B3GAT2: variants seen among roughly 807,000 people sequenced by gnomAD.
The protein encoded by B3GAT2 is beta-1,3-glucuronyltransferase 2, also known as galactosylgalactosylxylosylprotein 3-beta-glucuronosyltransferase 2.
A neutral mutation model predicts 27.8 loss-of-function variants in B3GAT2; 26 were observed. The ratio of observed to expected loss-of-function variants is 0.93; its 90% CI spans 0.68 to 1.30. The LOEUF (loss-of-function observed/expected upper bound fraction) is 1.30. Ranked by LOEUF, B3GAT2 falls within the 50% of genes most tolerant of loss-of-function variation. B3GAT2 has a pLI of 0.00. For synonymous variants in B3GAT2, 218 were observed against 195.1 expected, an observed-to-expected ratio of 1.12 and a Z score of -0.98; for missense variants, 458 against 459.0, an observed-to-expected ratio of 1.00 and a Z score of 0.02.
chr6:70,937,365 C>G (rs1406216140), intron 1 of B3GAT2, among the ~76,000 whole-genome samples: 12 of 151,216 alleles, frequency 7.9e-5, no homozygotes, highest in East Asian at 1.9e-4. Context: ...CTATTCCAAT[C>G]AATAGAAAAA....
chr6:70,939,017 ATCCAGAATC>A (rs1287043644), intron 1 of B3GAT2, among the ~76,000 whole-genome samples: 1 of 152,116 alleles, frequency 6.6e-6, no homozygotes, highest in Non-Finnish European at 1.5e-5. Context: ...AAGGGCTAAT[ATCCAGAATC>A]TACAATGAAC....
rs1395871119 is a variant in B3GAT2 at position 70,948,769 on chromosome 6, G to A, written c.591+7070C>T. ...ATGGAACCAAAAAAGAACCCACATC[G>A]TCAAGTCAATCCTAAGCCAAAAGAA... On this transcript the variant is annotated intron_variant, in intron 1 of 3. Coordinates refer to ENST00000230053, the MANE Select transcript of B3GAT2 (RefSeq NM_080742.3). Among the ~76,000 whole-genome samples the A allele has an allele frequency of 5.3e-5, 8 of 152,258 alleles. No homozygotes were observed. The East Asian group carries it at 7.7e-4, about 15-fold the overall frequency.
intron 1 of B3GAT2, among the ~76,000 whole-genome samples, chr6:70,937,581 T>C (rs1765313324): frequency 6.6e-6 from 1 of 152,090 alleles, no homozygotes; most frequent in Admixed American, 6.5e-5. Context: ...ATCCCTGGGA[T>C]GCAAGGCTGG....
At chr6:70,884,929 C>A (rs1364173813) in intron 2 of B3GAT2, among the ~76,000 whole-genome samples, 1 of 152,256 alleles carries the variant, frequency 6.6e-6, no homozygotes, top group Admixed American at 6.5e-5. Context: ...CAAGGCTTAA[C>A]TTCTGAAGCC....
At chr6:70,899,354 C>T (rs934930550) in intron 1 of B3GAT2, among the ~76,000 whole-genome samples, 3 of 152,140 alleles carry the variant, frequency 2.0e-5, no homozygotes, top group African/African-American at 7.2e-5. Context: ...ATCAAAGAAG[C>T]AAAACTTTGC....
Position 70,956,506 on chromosome 6 carries a change from G to A in B3GAT2, c.-77C>T, listed in dbSNP as rs1014625223. The A allele has an allele frequency of 8.4e-6, 13 of 1,541,056 alleles. No homozygotes were observed. In the Admixed American group the frequency reaches 2.4e-4, roughly 28 times the overall value. On this transcript the variant is annotated 5_prime_UTR_variant, in exon 1 of 4. Transcript: ENST00000230053. Reference sequence around the variant, plus strand: ...ACCCCAGTGCGCAGCTTGGACAGCGGCGGCGCCAGCACTTAGGGAGTGGTG... The same window carrying A: ...ACCCCAGTGCGCAGCTTGGACAGCGACGGCGCCAGCACTTAGGGAGTGGTG...
chr6:70,922,118 G>C (rs1302118420), intron 1 of B3GAT2, among the ~76,000 whole-genome samples: 2 of 152,120 alleles, frequency 1.3e-5, no homozygotes, highest in Non-Finnish European at 2.9e-5. Context: ...ATCTGTGGGA[G>C]CGGGGTGCCT....
At position 70,947,459 on chromosome 6, in the gene B3GAT2, G is replaced by A. The variant is rs530259676; in HGVS notation, c.591+8380C>T. On this transcript the variant is annotated intron_variant, in intron 1 of 3. Coordinates refer to ENST00000230053, the MANE Select transcript of B3GAT2 (RefSeq NM_080742.3). ...CAGAGAATACTACAAACACCTCTAC[G>A]CAAATAAACTAGAAAATCTAGAAGA... Among the ~76,000 whole-genome samples, 12 of 152,190 alleles carry A rather than the reference G, an allele frequency of 7.9e-5. No homozygotes were observed. In the East Asian group the frequency reaches 1.7e-3, roughly 22 times the overall value.
In B3GAT2 at chr6:70,859,471, TTA is replaced by T. The variant is rs1264644139; in HGVS notation, c.*2190_*2191del. On this transcript the variant is annotated 3_prime_UTR_variant, in exon 4 of 4. Transcript: ENST00000230053. ...ACTTATGCCTGATTAGTGATGTAGT[TTA>T]TGTTAGTGTCTTTGAAACTGTAAAT... 1 of 1,146,252 alleles carries T rather than the reference TTA, an allele frequency of 8.7e-7. No homozygotes were observed. The highest frequency in any genetic ancestry group is 1.5e-5 in the African/African-American group (1 of 64,928). The allele number at this position is 1,146,252 out of a possible 1,614,324, so 71.0% of individuals were successfully genotyped here. A position where few individuals can be genotyped will look rare whatever the true frequency, so the allele number is the denominator to read the frequency against.
chr6:70,860,404 G>GTTTATTCATATGCATATTTTTTTTCTTTT lies in B3GAT2; in HGVS notation c.*1230_*1258dup. 1 of 1,525,654 alleles carries GTTTATTCATATGCATATTTTTTTTCTTTT rather than the reference G, an allele frequency of 6.6e-7. No individual in the cohort carries two copies. The highest frequency in any genetic ancestry group is 1.3e-5 in the South Asian group (1 of 76,270). 94.5% of individuals were successfully genotyped at this position (1,525,654 alleles called of 1,614,324 possible). ...TTGCTGAAACGCATCTAGTTCCCCTGTTTATTCATATGCATATTTTTTTTC... is the reference window on the plus strand; with the variant it reads ...TTGCTGAAACGCATCTAGTTCCCCTGTTTATTCATATGCATATTTTTTTTCTTTTTTTATTCATATGCATATTTTTTTTC... On this transcript the variant is annotated 3_prime_UTR_variant, in exon 4 of 4. Transcript: ENST00000230053.
intron 1 of B3GAT2, among the ~76,000 whole-genome samples, chr6:70,905,618 C>T (rs980590978): frequency 6.6e-6 from 1 of 152,140 alleles, no homozygotes; most frequent in African/African-American, 2.4e-5. Flanking sequence ...TGGCAGACAG[C>T]ATGTTGCTCG....
intron 1 of B3GAT2, among the ~76,000 whole-genome samples, chr6:70,928,724 C>G (rs186644070): frequency 6.8e-4 from 104 of 152,286 alleles, no homozygotes; most frequent in African/African-American, 2.3e-3. Context: ...AGCCACAGAC[C>G]AGACATATTC....
chr6:70,937,799 C>A (rs1765317175), intron 1 of B3GAT2, among the ~76,000 whole-genome samples: 1 of 152,128 alleles, frequency 6.6e-6, no homozygotes, highest in South Asian at 2.1e-4. Flanking sequence ...CAATATCATA[C>A]TGAATGGGCA....
Position 70,857,805 on chromosome 6 carries a change from C to A in B3GAT2, c.*3858G>T. 1 of 1,167,358 alleles carries A rather than the reference C, an allele frequency of 8.6e-7. No homozygotes were observed. Among genetic ancestry groups the A allele is most frequent in the Non-Finnish European group, 1.2e-6 (1 of 834,728 alleles). 72.3% of individuals were successfully genotyped at this position (1,167,358 alleles called of 1,614,324 possible). ...GGTCTGAGTAGTAGGAGCAGCCAAA[C>A]TGGAATTAAAATGTTTGCTGTGAGT... On this transcript the variant is annotated 3_prime_UTR_variant, in exon 4 of 4. Coordinates refer to ENST00000230053, the MANE Select transcript of B3GAT2 (RefSeq NM_080742.3).
chr6:70,888,435 A>C (rs570360988), intron 2 of B3GAT2, among the ~76,000 whole-genome samples: 3 of 152,318 alleles, frequency 2.0e-5, no homozygotes, highest in Admixed American at 6.5e-5. Flanking sequence ...AGGTGTTAAA[A>C]AGATCTAAGT....
In B3GAT2 at chr6:70,902,633, T is replaced by C. The variant is rs974656882; in HGVS notation, c.592-8361A>G. Reference sequence around the variant, plus strand: ...AGAAAATGGGATATATATATATATATATATACACACACACACACACACACA... The same window carrying C: ...AGAAAATGGGATATATATATATATACATATACACACACACACACACACACA... On this transcript the variant is annotated intron_variant, in intron 1 of 3. Transcript: ENST00000230053. Among the ~76,000 whole-genome samples the C allele has an allele frequency of 9.3e-3, 1,344 of 144,088 alleles. 18 individuals are homozygous for C. Among genetic ancestry groups the C allele is most frequent in the African/African-American group, 0.033 (1,254 of 37,630 alleles). The allele number at this position is 144,088 out of a possible 152,430, so 94.5% of individuals were successfully genotyped here.
At chr6:70,929,826 T>G (rs142608032) in intron 1 of B3GAT2, among the ~76,000 whole-genome samples, 75 of 152,108 alleles carry the variant, frequency 4.9e-4, no homozygotes, top group Admixed American at 1.9e-3. Flanking sequence ...TTTCTTCACA[T>G]AATTGGAAAA....
At chr6:70,950,649 G>A (rs1765565595) in intron 1 of B3GAT2, among the ~76,000 whole-genome samples, 1 of 152,194 alleles carries the variant, frequency 6.6e-6, no homozygotes, top group South Asian at 2.1e-4. Context: ...ATATAGATCA[G>A]AGGTAAACAA....
chr6:70,870,307 C>T (rs1030687283), intron 2 of B3GAT2, among the ~76,000 whole-genome samples: 47 of 147,492 alleles, frequency 3.2e-4, no homozygotes, highest in African/African-American at 1.1e-3. Flanking sequence ...AACCAAACAC[C>T]GCATGTTCTC....
Sources: allele counts gnomAD v4.1 joint callset (sites outside exome capture counted in the v4.1 genomes callset), GRCh38; gene constraint gnomAD v4.1.1; transcripts MANE v1.5; gene names NCBI Gene and HGNC (gene_info 2026-07-23, HGNC 2026-07-21).